CHD9: variants seen among roughly 807,000 people sequenced by gnomAD.
CHD9 encodes ATP-dependent chromatin remodeler CHD9.
A neutral mutation model predicts 316.1 loss-of-function variants in CHD9; 77 were observed. That is an observed-to-expected ratio of 0.24 (90% CI 0.20 to 0.29). CHD9 has a LOEUF of 0.29. Among genes scored for constraint, CHD9 ranks in the 10% least tolerant of loss-of-function variants. The pLI, the probability that CHD9 is intolerant of heterozygous loss-of-function variation, is 1.00. For synonymous variants in CHD9, 1,129 were observed against 1,158.3 expected (o/e 0.97, Z 0.51); for missense variants, 2,763 against 3,438.1 (o/e 0.80, Z 4.91).
At chr16:53,077,768 C>A (rs555227245) in intron 1 of CHD9, among the ~76,000 whole-genome samples, 3 of 152,278 alleles carry the variant, frequency 2.0e-5, no homozygotes, top group African/African-American at 4.8e-5. Context: ...TCTACTTCTT[C>A]GGCAATTTTG....
chr16:53,163,813 A>G (rs560982549), intron 2 of CHD9, among the ~76,000 whole-genome samples: 1 of 152,358 alleles, frequency 6.6e-6, no homozygotes, highest in East Asian at 1.9e-4. Context: ...AAGTAGAAGC[A>G]TAGTAATAAA....
At chr16:53,056,414 C>G (rs571063383) in intron 1 of CHD9, among the ~76,000 whole-genome samples, 1 of 152,290 alleles carries the variant, frequency 6.6e-6, no homozygotes, top group South Asian at 2.1e-4. Context: ...CTGTGCAGGG[C>G]CAAGTTAGAC....
At chr16:53,152,424 C>G (rs969775985) in intron 1 of CHD9, among the ~76,000 whole-genome samples, 1 of 152,186 alleles carries the variant, frequency 6.6e-6, no homozygotes, top group African/African-American at 2.4e-5. Flanking sequence ...ATTTTGCTGG[C>G]ATCACTCTCT....
chr16:53,239,528 A>G (rs188053820), intron 12 of CHD9, among the ~76,000 whole-genome samples: 552 of 152,212 alleles, frequency 3.6e-3, no homozygotes, highest in Middle Eastern at 0.024. Context: ...ATAAATTCAC[A>G]AAAAAACTGT....
chr16:53,222,507 T>A, intron 3 of CHD9, 137 bp from the exon 4 acceptor site: 1 of 585,650 alleles, frequency 1.7e-6, no homozygotes, highest in Non-Finnish European at 3.1e-6. Flanking sequence ...CAACGTGGAT[T>A]TCAGGATGAT....
intron 2 of CHD9, 129 bp from the exon 3 acceptor site, chr16:53,209,353 T>A (rs1278475397): frequency 4.6e-6 from 3 of 648,388 alleles, no homozygotes; most frequent in Non-Finnish European, 7.7e-6. Flanking sequence ...TTAAATTTGT[T>A]TGTAGCACTC....
rs115704408 is a variant in CHD9, at chr16:53,231,512, A to G, written c.2373+7A>G. ...AGATAAGGATACTGGTGAGGTAAAT[A>G]TATGGTAAAAAGATTTTTTAAGTAA... On this transcript the variant is annotated splice_region_variant and intron_variant, in intron 9 of 38. Coordinates refer to ENST00000447540, the MANE Select transcript of CHD9 (RefSeq NM_001308319.2). The G allele has an allele frequency of 2.4e-3, 3,691 of 1,529,480 alleles. 32 individuals are homozygous for G. The highest frequency in any genetic ancestry group is 0.019 in the Middle Eastern group (110 of 5,764). 94.7% of individuals were successfully genotyped at this position (1,529,480 alleles called of 1,614,324 possible). A position where few individuals can be genotyped will look rare whatever the true frequency, so the allele number is the denominator to read the frequency against.
chr16:53,112,505 A>T (rs2152620844), intron 1 of CHD9, among the ~76,000 whole-genome samples: 1 of 152,336 alleles, frequency 6.6e-6, no homozygotes, highest in South Asian at 2.1e-4. Context: ...CTCTGGTGGT[A>T]GATATATGCC....
rs182803499 is a variant in CHD9 at position 53,264,955 on chromosome 16, G to A, written c.4320+1858G>A. Reference sequence around the variant, plus strand: ...AGGGCTTTGTAGATTATTTTAAGGCGTTAAGGATTTTGTAAATAAACTTAT... The same window carrying A: ...AGGGCTTTGTAGATTATTTTAAGGCATTAAGGATTTTGTAAATAAACTTAT... On this transcript the variant is annotated intron_variant, in intron 20 of 38. Transcript: ENST00000447540. Among the ~76,000 whole-genome samples the A allele has an allele frequency of 1.7e-3, 266 of 152,256 alleles. 1 individual carries two copies. The highest frequency in any genetic ancestry group is 4.1e-3 in the South Asian group (20 of 4,830).
At chr16:53,143,077 C>T (rs1007149595) in intron 1 of CHD9, among the ~76,000 whole-genome samples, 2 of 152,182 alleles carry the variant, frequency 1.3e-5, no homozygotes, top group African/African-American at 4.8e-5. Flanking sequence ...TTAATCCATT[C>T]ATGAGGGCAG....
intron 10 of CHD9, among the ~76,000 whole-genome samples, chr16:53,233,617 C>G (rs544637854): frequency 6.6e-6 from 1 of 152,136 alleles, no homozygotes; most frequent in East Asian, 1.9e-4. Context: ...TTCCTCCCCT[C>G]CTCCCCTCCT....
intron 2 of CHD9, among the ~76,000 whole-genome samples, chr16:53,208,931 A>G (rs1298432168): frequency 6.6e-6 from 1 of 152,202 alleles, no homozygotes; most frequent in African/African-American, 2.4e-5. Flanking sequence ...CTTTCATGGG[A>G]AAACTAAAAC....
intron 1 of CHD9, among the ~76,000 whole-genome samples, chr16:53,058,487 G>A (rs1182104500): frequency 2.0e-5 from 3 of 152,170 alleles, no homozygotes; most frequent in Non-Finnish European, 4.4e-5. Flanking sequence ...GCAGAAGGTG[G>A]GGTTAGAAAA....
At chr16:53,060,500 G>A (rs1358714473) in intron 1 of CHD9, among the ~76,000 whole-genome samples, 3 of 152,014 alleles carry the variant, frequency 2.0e-5, no homozygotes, top group Non-Finnish European at 1.5e-5. Context: ...GCTCACACCT[G>A]TAATTCCAGA....
At position 53,231,515 on chromosome 16, in the gene CHD9, T is replaced by C; in HGVS notation, c.2373+10T>C. Reference sequence around the variant, plus strand: ...TAAGGATACTGGTGAGGTAAATATATGGTAAAAAGATTTTTTAAGTAAGAA... The same window carrying C: ...TAAGGATACTGGTGAGGTAAATATACGGTAAAAAGATTTTTTAAGTAAGAA... On this transcript the variant is annotated intron_variant, in intron 9 of 38. Transcript: ENST00000447540. The C allele has an allele frequency of 5.3e-6, 8 of 1,515,162 alleles. No homozygotes were observed. The highest frequency in any genetic ancestry group is 7.3e-6 in the Non-Finnish European group (8 of 1,102,876). The allele number at this position is 1,515,162 out of a possible 1,614,324, so 93.9% of individuals were successfully genotyped here.
intron 1 of CHD9, among the ~76,000 whole-genome samples, chr16:53,074,853 T>C (rs1222141850): frequency 6.6e-6 from 1 of 152,302 alleles, no homozygotes; most frequent in East Asian, 1.9e-4. Flanking sequence ...AATGTGAGGT[T>C]GGAGCCCCCA....
At chr16:53,059,342 G>A (rs1028697989) in intron 1 of CHD9, among the ~76,000 whole-genome samples, 3 of 152,198 alleles carry the variant, frequency 2.0e-5, no homozygotes, top group African/African-American at 7.2e-5. Context: ...AGTGGCATAT[G>A]CCTGTAATCC....
chr16:53,309,846 A>T (rs900052711), intron 34 of CHD9, among the ~76,000 whole-genome samples: 7 of 149,572 alleles, frequency 4.7e-5, no homozygotes, highest in East Asian at 3.9e-4. Flanking sequence ...ATGAAAATTT[A>T]AAAAAAAAAG....
chr16:53,150,397 C>T (rs1184070511), intron 1 of CHD9, among the ~76,000 whole-genome samples: 2 of 152,150 alleles, frequency 1.3e-5, no homozygotes, highest in Admixed American at 6.5e-5. Context: ...TCTGTCTCTT[C>T]ACCTTTATAT....
Sources: allele counts gnomAD v4.1 joint callset (sites outside exome capture counted in the v4.1 genomes callset), GRCh38; gene constraint gnomAD v4.1.1; transcripts MANE v1.5; gene names NCBI Gene and HGNC (gene_info 2026-07-23, HGNC 2026-07-21).